Variants in EP400 observed in about 807,000 individuals in gnomAD.
EP400 encodes the protein E1A binding protein p400, also known as E1A-binding protein p400.
Under a neutral mutation model 354.1 loss-of-function variants are expected in EP400, and 105 were observed. The ratio of observed to expected loss-of-function variants is 0.30; its 90% CI spans 0.25 to 0.35. The LOEUF is 0.35. Ranked by LOEUF, EP400 falls within the 10% of genes least tolerant of loss-of-function variation. The pLI is 1.00. For synonymous variants in EP400, 1,646 were observed against 1,716.9 expected (o/e 0.96, Z 1.02); for missense variants, 3,280 against 4,121.0 (o/e 0.80, Z 5.59).
Position 132,069,209 on chromosome 12 carries a change from C to T in EP400, c.8875-286C>T, listed in dbSNP as rs1033548054. On this transcript the variant is annotated intron_variant, in intron 50 of 52. Transcript: ENST00000389561. Reference sequence around the variant, plus strand: ...GTGACAAGGGTGTCAGGGTGCCCCACCAGCCCGACTATTCAGGGAGCAGTG... The same window carrying T: ...GTGACAAGGGTGTCAGGGTGCCCCATCAGCCCGACTATTCAGGGAGCAGTG... 1.8e-5 allele frequency: 7 copies of T among 387,466 alleles called. No individual in the cohort carries two copies. In the Admixed American group the frequency reaches 2.9e-4, roughly 16 times the overall value. 24.0% of individuals were successfully genotyped at this position (387,466 alleles called of 1,614,324 possible).
intron 5 of EP400, 37 bp from the exon 6 acceptor site, chr12:131,986,477 T>G (rs1892857991): frequency 6.5e-7 from 1 of 1,548,358 alleles, no homozygotes; most frequent in Non-Finnish European, 8.7e-7. Flanking sequence ...CCGACATCTT[T>G]TCTTCACCTT....
At chr12:132,069,065 G>T (rs1324530528) in intron 50 of EP400, 3 of 169,904 alleles carry the variant, frequency 1.8e-5, no homozygotes, top group Non-Finnish European at 3.8e-5. Flanking sequence ...TGCAAAAATG[G>T]TGCATACCAG....
chr12:132,012,587 T>A (rs1178288931), intron 16 of EP400, among the ~76,000 whole-genome samples: 2 of 152,244 alleles, frequency 1.3e-5, no homozygotes, highest in Non-Finnish European at 2.9e-5. Flanking sequence ...CAAGCCATAG[T>A]ACTATGTCTG....
Position 132,013,128 on chromosome 12 carries a change from C to T in EP400, c.3561C>T (p.Arg1187=), listed in dbSNP as rs147050064. Residue 1187 remains arginine, a synonymous_variant, in exon 17 of 53, where the codon CGC becomes CGT. Transcript: ENST00000389561. This position sits in a 1 kb window ranked among gnomAD's most constrained non-coding sequence, Gnocchi z 4.5. ...WKCLVIDEMQ[R]VKGMTERHWE... ...GCCTGGTCATTGATGAGATGCAGCG[C>T]GTGAAGGGCATGACCGAGAGGCACT... 3.1e-5 allele frequency: 50 copies of T among 1,614,128 alleles called. No individual in the cohort carries two copies. Among genetic ancestry groups the T allele is most frequent in the South Asian group, 9.9e-5 (9 of 91,068 alleles).
intron 2 of EP400, among the ~76,000 whole-genome samples, chr12:131,972,488 A>AT (rs1214680623): frequency 6.6e-6 from 1 of 152,100 alleles, no homozygotes; most frequent in African/African-American, 2.4e-5. Context: ...TGTAATTTTT[A>AT]TTTTGACCAG....
intron 15 of EP400, among the ~76,000 whole-genome samples, chr12:132,009,394 A>G (rs1450503457): frequency 6.6e-6 from 1 of 152,138 alleles, no homozygotes; most frequent in Non-Finnish European, 1.5e-5. Context: ...CAGGAACCCC[A>G]CACTGGTACA....
Position 131,960,585 on chromosome 12 carries a change from G to T in EP400, c.-35G>T. 1 of 1,545,464 alleles carries T rather than the reference G, an allele frequency of 6.5e-7. No individual in the cohort carries two copies. The highest frequency in any genetic ancestry group is 2.3e-5 in the East Asian group (1 of 42,902). ...ACTTGATTTTAATTTTAATTTTTAG[G>T]AGAACGACACATTGGATACAGAAGG... is the stretch of plus-strand genomic sequence containing the variant. On this transcript the variant is annotated splice_region_variant and 5_prime_UTR_variant, in exon 2 of 53. Coordinates refer to ENST00000389561, the MANE Select transcript of EP400 (RefSeq NM_015409.5).
In EP400 at chr12:132,028,022, A is replaced by G. The variant is rs908086206; in HGVS notation, c.5115A>G (p.Glu1705=). The change falls in exon 27 of 53, where the codon GAA becomes GAG. Residue 1705 remains glutamate (E), a synonymous_variant. Coordinates refer to ENST00000389561, the MANE Select transcript of EP400 (RefSeq NM_015409.5). ...TTCATCACTTTTTGATAAAGGAGGA[A>G]AAGACCAGACTCTTGAAAGAGCGCC... is the stretch of plus-strand genomic sequence containing the variant. ...ASPIGGPTQE[E]KTRLLKERLD... is the part of the protein sequence containing the mutation. The G allele has an allele frequency of 7.8e-5, 126 of 1,610,274 alleles. No homozygotes were observed. The highest frequency in any genetic ancestry group is 1.0e-4 in the Non-Finnish European group (121 of 1,176,902).
chr12:131,979,548 C>T, intron 2 of EP400, 146 bp from the exon 3 acceptor site: 1 of 576,884 alleles, frequency 1.7e-6, no homozygotes, highest in Non-Finnish European at 3.0e-6. Context: ...ATACATTACA[C>T]ATGTATATTT....
chr12:131,987,433 T>C (rs1292895588), intron 6 of EP400, among the ~76,000 whole-genome samples: 2 of 152,136 alleles, frequency 1.3e-5, no homozygotes, highest in Non-Finnish European at 2.9e-5. Context: ...TTTTAAAGTT[T>C]TAGTCTGTTT....
chr12:132,073,005 T>A (rs891251833), intron 51 of EP400, among the ~76,000 whole-genome samples: 1 of 152,200 alleles, frequency 6.6e-6, no homozygotes, highest in African/African-American at 2.4e-5. Flanking sequence ...CCATTCTCTG[T>A]GTGTCCCTCG....
intron 2 of EP400, among the ~76,000 whole-genome samples, chr12:131,977,480 C>G (rs142140970): frequency 3.3e-5 from 5 of 151,758 alleles, no homozygotes; most frequent in African/African-American, 1.2e-4. Flanking sequence ...TTGGCCATTA[C>G]TGGACACGGA....
At chr12:131,989,814 T>C in intron 7 of EP400, 150 bp from the exon 8 acceptor site, 2 of 832,780 alleles carry the variant, frequency 2.4e-6, no homozygotes, top group Non-Finnish European at 3.6e-6. Context: ...GTCATGTTTC[T>C]CCTAATCCAC....
At chr12:131,995,647 G>A (rs1036106669) in intron 12 of EP400, among the ~76,000 whole-genome samples, 3 of 145,614 alleles carry the variant, frequency 2.1e-5, no homozygotes, top group Admixed American at 1.4e-4. Context: ...TGAATGTGCC[G>A]TTCATCCTGA....
intron 51 of EP400, among the ~76,000 whole-genome samples, chr12:132,073,918 G>GTT (rs1565937522): frequency 7.4e-5 from 9 of 121,234 alleles, no homozygotes; most frequent in South Asian, 2.6e-4. Context: ...TGTTTTTTGG[G>GTT]GTTTTTTTTT....
intron 1 of EP400, among the ~76,000 whole-genome samples, chr12:131,954,746 A>AT: frequency 6.7e-6 from 1 of 150,344 alleles, no homozygotes. Context: ...AAAAAAAAAA[A>AT]AATGGGCGTG....
In EP400 at chr12:131,962,305, T is replaced by TG. The variant is rs544404151; in HGVS notation, c.1335+352dup. 1.6e-3 allele frequency among the ~76,000 whole-genome samples: 239 copies of TG among 152,326 alleles called. 1 individual carries two copies. The highest frequency in any genetic ancestry group is 2.7e-3 in the Non-Finnish European group (186 of 68,022). The stretch of plus-strand genomic sequence containing the variant: ...TCCCCTTGTATCTGGGTGTGTGGTT[T>TG]GTTGGCTGACGCTGACAGCTGTCAC... On this transcript the variant is annotated intron_variant, in intron 2 of 52. Transcript: ENST00000389561.
chr12:132,006,076 A>C, intron 13 of EP400, 36 bp from the exon 14 acceptor site: 1 of 1,579,594 alleles, frequency 6.3e-7, no homozygotes, highest in Non-Finnish European at 8.6e-7. Flanking sequence ...AAGCCTTCTC[A>C]GTGGCCCTCA....
At chr12:132,014,096 C>T (rs1031291888) in intron 19 of EP400, among the ~76,000 whole-genome samples, 183 bp downstream of exon 19, 5 of 152,260 alleles carry the variant, frequency 3.3e-5, no homozygotes, top group African/African-American at 1.2e-4. Flanking sequence ...CTGTTTCAGG[C>T]TCATGCTGGT....
Sources: allele counts gnomAD v4.1 joint callset (sites outside exome capture counted in the v4.1 genomes callset), GRCh38; gene constraint gnomAD v4.1.1; non-coding constraint Gnocchi (gnomAD v3.1); transcripts MANE v1.5; gene names NCBI Gene and HGNC (gene_info 2026-07-23, HGNC 2026-07-21).